CDIP1: variants seen among roughly 807,000 people sequenced by gnomAD.
The protein encoded by CDIP1 is cell death-inducing p53-target protein 1.
In CDIP1, 9 loss-of-function variants were observed where a neutral mutation model predicts 17.7. The observed-to-expected ratio is 0.51, with a 90% CI of 0.31 to 0.89. CDIP1 has a LOEUF of 0.89. Ranked by LOEUF, CDIP1 falls within the 40% of genes least tolerant of loss-of-function variation. The pLI, the probability that CDIP1 is intolerant of heterozygous loss-of-function variation, is 0.05. For synonymous variants in CDIP1, 117 were observed against 109.5 expected (o/e 1.07, Z -0.43); for missense variants, 263 against 277.9 (o/e 0.95, Z 0.38).
chr16:4,529,459 C>T (rs1415749881), intron 1 of CDIP1, among the ~76,000 whole-genome samples: 1 of 152,180 alleles, frequency 6.6e-6, no homozygotes, highest in Non-Finnish European at 1.5e-5. Context: ...TGCTCAAGAG[C>T]TTGTTCCTGC....
At chr16:4,533,697 T>TCCCCCC (rs34437664) in intron 1 of CDIP1, 1 of 148,892 alleles carries the variant, frequency 6.7e-6, no homozygotes, top group Non-Finnish European at 1.5e-5. Flanking sequence ...AACTATCTCA[T>TCCCCCC]CCCCCCACCC....
intron 1 of CDIP1, among the ~76,000 whole-genome samples, chr16:4,526,850 C>T (rs1478037089): frequency 2.0e-5 from 3 of 152,166 alleles, no homozygotes; most frequent in Non-Finnish European, 4.4e-5. Flanking sequence ...GGCAGAGCTG[C>T]AGGGGCAGAA....
intron 1 of CDIP1, among the ~76,000 whole-genome samples, chr16:4,529,321 G>T (rs1203296700): frequency 6.6e-6 from 1 of 152,212 alleles, no homozygotes; most frequent in African/African-American, 2.4e-5. Context: ...AAAGAGGGCT[G>T]GTAAGAAAGT....
At chr16:4,520,405 C>A (rs1227527085) in intron 1 of CDIP1, among the ~76,000 whole-genome samples, 1 of 152,140 alleles carries the variant, frequency 6.6e-6, no homozygotes, top group Non-Finnish European at 1.5e-5. Context: ...ACTTGACCGA[C>A]AAGTGGTAGT....
intron 1 of CDIP1, among the ~76,000 whole-genome samples, chr16:4,534,708 T>C (rs945042062): frequency 1.3e-5 from 2 of 151,752 alleles, no homozygotes; most frequent in Non-Finnish European, 2.9e-5. Context: ...TTTTTTTTTT[T>C]TTTTTGGTTT....
rs751262629 is a variant in CDIP1, at chr16:4,513,676, C to G, written c.241+20G>C. On this transcript the variant is annotated intron_variant, in intron 4 of 5. Coordinates refer to ENST00000567695, the MANE Select transcript of CDIP1 (RefSeq NM_013399.3). This position sits in a 1 kb window ranked among gnomAD's most constrained non-coding sequence, Gnocchi z 4.1. ...AGCCAGGAGTTCCCCATGCTCCCCT[C>G]AGATCCCTTCCCCACTCACCCGGAG... The G allele has an allele frequency of 3.5e-5, 57 of 1,608,738 alleles. No individual in the cohort carries two copies. Among genetic ancestry groups the G allele is most frequent in the Non-Finnish European group, 4.5e-5 (53 of 1,176,686 alleles).
chr16:4,514,507 G>A lies in CDIP1; in HGVS notation c.-15+68C>T, dbSNP rs1010861027. 1.8e-5 allele frequency: 4 copies of A among 225,540 alleles called. No homozygotes were observed. Among genetic ancestry groups the A allele is most frequent in the Non-Finnish European group, 2.6e-5 (3 of 116,302 alleles). The allele number at this position is 225,540 out of a possible 1,614,324, so 14.0% of individuals were successfully genotyped here. A position where few individuals can be genotyped will look rare whatever the true frequency, so the allele number is the denominator to read the frequency against. The stretch of plus-strand genomic sequence containing the variant: ...ACGTTTAGCGGGCACTAAGGCAGTC[G>A]GAGGAGACACTGGACCGATCTCTGC... On this transcript the variant is annotated intron_variant, in intron 2 of 5. Transcript: ENST00000567695. This position sits in a 1 kb window ranked among gnomAD's most constrained non-coding sequence, Gnocchi z 5.2.
At chr16:4,519,359 A>G (rs1392057773) in intron 1 of CDIP1, among the ~76,000 whole-genome samples, 1 of 152,230 alleles carries the variant, frequency 6.6e-6, no homozygotes, top group African/African-American at 2.4e-5. Context: ...GTCTGATGCT[A>G]CCGTGTCAGA....
intron 1 of CDIP1, chr16:4,538,265 G>C (rs1484894569): frequency 6.6e-6 from 1 of 152,154 alleles, no homozygotes; most frequent in Non-Finnish European, 1.5e-5. Context: ...GGTCTCGGCA[G>C]CGCCCTGAGG....
At chr16:4,517,067 A>G (rs1391562727) in intron 1 of CDIP1, among the ~76,000 whole-genome samples, 1 of 152,104 alleles carries the variant, frequency 6.6e-6, no homozygotes, top group East Asian at 1.9e-4. Context: ...CTTTCATGAA[A>G]TACAAGAGAA....
At chr16:4,520,320 G>A (rs1192191527) in intron 1 of CDIP1, among the ~76,000 whole-genome samples, 5 of 152,100 alleles carry the variant, frequency 3.3e-5, no homozygotes. Flanking sequence ...GACCAGGATG[G>A]TCTCAATCTC....
At chr16:4,538,407 GC>G (rs1193199337) in intron 1 of CDIP1, 2 of 152,472 alleles carry the variant, frequency 1.3e-5, no homozygotes, top group Non-Finnish European at 2.9e-5. Context: ...AAGACCCTCA[GC>G]CCCGCGCGGC....
intron 1 of CDIP1, among the ~76,000 whole-genome samples, chr16:4,537,956 G>A (rs1014644515): frequency 1.5e-4 from 23 of 152,252 alleles, no homozygotes; most frequent in African/African-American, 5.3e-4. Context: ...GGCGAGCCGG[G>A]CGCGGGTGCA....
chr16:4,527,000 G>A (rs560865014), intron 1 of CDIP1, among the ~76,000 whole-genome samples: 8 of 152,010 alleles, frequency 5.3e-5, no homozygotes, highest in Admixed American at 2.0e-4. Context: ...GATGAGTCAC[G>A]GGAGAGGCCA....
At chr16:4,516,974 G>A (rs367665536) in intron 1 of CDIP1, among the ~76,000 whole-genome samples, 66 of 151,928 alleles carry the variant, frequency 4.3e-4, no homozygotes, top group Non-Finnish European at 6.8e-4. Flanking sequence ...ACAAGACTCC[G>A]TGACCGTTGA....
chr16:4,515,350 T>G (rs2058877396), intron 1 of CDIP1, among the ~76,000 whole-genome samples: 1 of 152,140 alleles, frequency 6.6e-6, no homozygotes, highest in Admixed American at 6.5e-5. Context: ...GTTTGAAAAC[T>G]GAAAGAGATC....
At chr16:4,529,834 C>T (rs2059037029) in intron 1 of CDIP1, among the ~76,000 whole-genome samples, 1 of 152,234 alleles carries the variant, frequency 6.6e-6, no homozygotes, top group African/African-American at 2.4e-5. Flanking sequence ...AGTCAAGACA[C>T]GTGGCCACTC....
intron 1 of CDIP1, among the ~76,000 whole-genome samples, chr16:4,520,383 G>A (rs2058933214): frequency 2.0e-5 from 3 of 152,166 alleles, no homozygotes; most frequent in African/African-American, 7.2e-5. Flanking sequence ...GATTACAGGT[G>A]TGAGCCACCG....
chr16:4,516,739 G>C, intron 1 of CDIP1, among the ~76,000 whole-genome samples: 1 of 105,446 alleles, frequency 9.5e-6, no homozygotes. Flanking sequence ...ACAGAGTCTT[G>C]CTCTGTTGCC....
Sources: allele counts gnomAD v4.1 joint callset (sites outside exome capture counted in the v4.1 genomes callset), GRCh38; gene constraint gnomAD v4.1.1; non-coding constraint Gnocchi (gnomAD v3.1); transcripts MANE v1.5; gene names NCBI Gene and HGNC (gene_info 2026-07-23, HGNC 2026-07-21).